NEO1: variants seen among roughly 807,000 people sequenced by gnomAD.
NEO1 encodes neogenin 1.
A neutral mutation model predicts 159.7 loss-of-function variants in NEO1; 63 were observed. The ratio of observed to expected loss-of-function variants is 0.39; its 90% CI spans 0.32 to 0.49. NEO1 has a LOEUF of 0.49. Among genes scored for constraint, NEO1 ranks in the 20% least tolerant of loss-of-function variants. The pLI, the probability that NEO1 is intolerant of heterozygous loss-of-function variation, is 0.85. For missense variants in NEO1, 1,615 were observed against 1,831.0 expected, an observed-to-expected ratio of 0.88 and a Z score of 2.15; for synonymous variants, 633 against 662.0, an observed-to-expected ratio of 0.96 and a Z score of 0.67.
rs776352021 is a variant in NEO1, at chr15:73,122,724, C to T, written c.648C>T (p.Gly216=). 28 of 1,613,984 alleles carry T rather than the reference C, an allele frequency of 1.7e-5. No homozygotes were observed. In the Admixed American group the frequency reaches 2.7e-4, roughly 15 times the overall value. The change falls in exon 3 of 29, where the codon GGC becomes GGT. Residue 216 remains glycine, a synonymous_variant. Coordinates refer to ENST00000261908, the MANE Select transcript of NEO1 (RefSeq NM_002499.4). The stretch of plus-strand genomic sequence containing the variant: ...TCAGCAATGCAACTGAAGGAGATGG[C>T]GGGCTTTATCGCTGCGTAGTGGAAA... ...LVISNATEGD[G]GLYRCVVESG... is the part of the protein sequence containing the mutation.
At chr15:73,245,607 C>T (rs1000890262) in intron 9 of NEO1, among the ~76,000 whole-genome samples, 1 of 150,324 alleles carries the variant, frequency 6.7e-6, no homozygotes, top group Non-Finnish European at 1.5e-5. Context: ...CGGAGTCTCG[C>T]TCTGTCGCCC....
intron 5 of NEO1, among the ~76,000 whole-genome samples, chr15:73,171,766 C>T (rs1319138557): frequency 1.3e-5 from 2 of 151,546 alleles, no homozygotes; most frequent in African/African-American, 2.4e-5. Context: ...CTCAGCCTCC[C>T]GAGTATCTGG....
intron 1 of NEO1, among the ~76,000 whole-genome samples, chr15:73,105,912 A>G (rs575866949): frequency 2.6e-5 from 4 of 152,314 alleles, no homozygotes; most frequent in African/African-American, 9.6e-5. Flanking sequence ...TTGTGAAGGT[A>G]CATTTCCCCC....
rs974712437 is a variant in NEO1, at chr15:73,206,966, C to T, written c.1291+28539C>T. On this transcript the variant is annotated intron_variant, in intron 7 of 28. Transcript: ENST00000261908. ...ACTCCTGGGCTCAAGCAACAATCCC[C>T]CCATCTCAGCTTCCTGAGCAGGTGG... is the stretch of plus-strand genomic sequence containing the variant. 3.9e-5 allele frequency among the ~76,000 whole-genome samples: 6 copies of T among 152,230 alleles called. No individual in the cohort carries two copies. In the East Asian group the frequency reaches 1.2e-3, roughly 29 times the overall value.
At chr15:73,077,032 T>A (rs184073568) in intron 1 of NEO1, among the ~76,000 whole-genome samples, 16 of 152,220 alleles carry the variant, frequency 1.1e-4, no homozygotes, top group Admixed American at 2.0e-4. Flanking sequence ...AACATAGCAA[T>A]TTTTTTAAAT....
At chr15:73,072,198 G>T (rs958723476) in intron 1 of NEO1, among the ~76,000 whole-genome samples, 2 of 151,924 alleles carry the variant, frequency 1.3e-5, no homozygotes, top group Admixed American at 6.5e-5. Flanking sequence ...TGATCTGCCT[G>T]CCTCGGCTTC....
intron 22 of NEO1, 69 bp downstream of exon 22, chr15:73,278,268 T>G (rs758478133): frequency 9.0e-5 from 126 of 1,392,924 alleles, no homozygotes; most frequent in Non-Finnish European, 1.3e-4. Context: ...ATTTTTGAAA[T>G]GTCCTTTATA....
At chr15:73,075,619 C>T (rs1380795766) in intron 1 of NEO1, among the ~76,000 whole-genome samples, 3 of 150,480 alleles carry the variant, frequency 2.0e-5, no homozygotes, top group African/African-American at 7.3e-5. Flanking sequence ...GATAGAGACA[C>T]TGGAAGGGTG....
intron 1 of NEO1, among the ~76,000 whole-genome samples, chr15:73,096,017 T>C (rs1342547577): frequency 6.6e-6 from 1 of 152,086 alleles, no homozygotes; most frequent in Non-Finnish European, 1.5e-5. Context: ...TGCTAAAATA[T>C]TGATGCTTAC....
intron 1 of NEO1, among the ~76,000 whole-genome samples, chr15:73,115,894 A>G (rs2071282172): frequency 6.6e-6 from 1 of 152,216 alleles, no homozygotes; most frequent in Non-Finnish European, 1.5e-5. Context: ...TCACAAGAGT[A>G]ATAGAACAAA....
intron 7 of NEO1, among the ~76,000 whole-genome samples, chr15:73,220,720 A>G (rs937179043): frequency 7.9e-5 from 12 of 152,066 alleles, no homozygotes; most frequent in Admixed American, 3.3e-4. Flanking sequence ...TGATTGCATC[A>G]GCTCCTGAGG....
chr15:73,266,888 C>T (rs1226663370), intron 16 of NEO1, among the ~76,000 whole-genome samples: 1 of 152,156 alleles, frequency 6.6e-6, no homozygotes, highest in East Asian at 1.9e-4. Flanking sequence ...GTCAGAGGTA[C>T]TATCCATTTG....
chr15:73,288,140 A>G (rs187811050), intron 23 of NEO1, among the ~76,000 whole-genome samples, 173 bp from the exon 24 acceptor site: 51 of 152,270 alleles, frequency 3.3e-4, no homozygotes, highest in African/African-American at 1.2e-3. Context: ...TACTCTCCCC[A>G]GGAGCAAACT....
intron 5 of NEO1, among the ~76,000 whole-genome samples, chr15:73,138,763 AAAAAAAAAC>A (rs1436584869): frequency 9.8e-4 from 131 of 133,296 alleles, no homozygotes; most frequent in African/African-American, 3.2e-3. Context: ...CTCAAAAAAA[AAAAAAAAAC>A]AAAAAAACAA....
intron 7 of NEO1, among the ~76,000 whole-genome samples, chr15:73,181,537 T>C (rs2035611719): frequency 6.6e-6 from 1 of 152,120 alleles, no homozygotes; most frequent in Admixed American, 6.5e-5. Flanking sequence ...GCTTGGCTCC[T>C]GGGGAGGCCT....
chr15:73,081,006 GAA>G (rs2069017536), intron 1 of NEO1, among the ~76,000 whole-genome samples: 1 of 152,122 alleles, frequency 6.6e-6, no homozygotes, highest in African/African-American at 2.4e-5. Context: ...TGAAAAATTT[GAA>G]AAGTCAATTT....
At chr15:73,119,649 C>T (rs2071518009) in intron 2 of NEO1, among the ~76,000 whole-genome samples, 1 of 152,220 alleles carries the variant, frequency 6.6e-6, no homozygotes, top group South Asian at 2.1e-4. Flanking sequence ...CAACCGGCTT[C>T]CTTCTTGGGA....
At chr15:73,151,671 C>G (rs1388050938) in intron 5 of NEO1, among the ~76,000 whole-genome samples, 4 of 152,146 alleles carry the variant, frequency 2.6e-5, no homozygotes, top group Non-Finnish European at 4.4e-5. Flanking sequence ...CGTGAGAACT[C>G]ACTATCATGA....
intron 2 of NEO1, among the ~76,000 whole-genome samples, chr15:73,120,614 A>T (rs530755412): frequency 6.1e-4 from 91 of 150,402 alleles, no homozygotes; most frequent in Non-Finnish European, 8.7e-4. Context: ...CTATATATAA[A>T]TTATTTATTT....
Sources: gnomAD v4.1 joint callset for allele counts (sites outside exome capture counted in the v4.1 genomes callset) on GRCh38, gnomAD v4.1.1 for gene constraint, MANE v1.5 for transcripts, NCBI Gene and HGNC (gene_info 2026-07-23, HGNC 2026-07-21) for gene names.